Variants in DENND3 observed in about 807,000 individuals in gnomAD.
The protein encoded by DENND3 is DENN domain-containing protein 3.
In DENND3, 88 loss-of-function variants were observed where a neutral mutation model predicts 135.1. The ratio of observed to expected loss-of-function variants is 0.65; its 90% CI spans 0.55 to 0.78. The LOEUF (loss-of-function observed/expected upper bound fraction) is 0.78, where lower values mean the gene tolerates loss of function less well. Among genes scored for constraint, DENND3 ranks in the 30% least tolerant of loss-of-function variants. The pLI, the probability that DENND3 is intolerant of heterozygous loss-of-function variation, is 0.00. For missense variants in DENND3, 1,392 were observed against 1,688.4 expected (o/e 0.82, Z 3.08); for synonymous variants, 693 against 712.3 (o/e 0.97, Z 0.43).
Position 141,175,070 on chromosome 8 carries a change from G to C in DENND3, c.2276-130G>C. On this transcript the variant is annotated intron_variant, in intron 13 of 22. Transcript: ENST00000519811. The surrounding 1 kb of genome is among the most constrained non-coding windows in gnomAD (Gnocchi z 5.4). The stretch of plus-strand genomic sequence containing the variant: ...ACCTTCTAGGCAGTTTCCATCCAGC[G>C]CCCTGAGTGCTGGCGCCACCTGCTG... The C allele has an allele frequency of 9.3e-7, 1 of 1,071,332 alleles. No homozygotes were observed. Among genetic ancestry groups the C allele is most frequent in the Non-Finnish European group, 1.3e-6 (1 of 743,460 alleles). 66.4% of individuals were successfully genotyped at this position (1,071,332 alleles called of 1,614,324 possible).
Position 141,128,612 on chromosome 8 carries a change from CGGCCCCCAGGCGGCGCGGCT to C in DENND3, c.-93_-74del. 1.4e-6 allele frequency: 1 copy of C among 705,494 alleles called. No individual in the cohort carries two copies. Among genetic ancestry groups the C allele is most frequent in the Non-Finnish European group, 1.9e-6 (1 of 535,572 alleles). The allele number at this position is 705,494 out of a possible 1,614,324, so 43.7% of individuals were successfully genotyped here. ...CCGCAGACGGCGCTCGCAGCGCCCC[CGGCCCCCAGGCGGCGCGGCT>C]GGTCCCCAGGGGTCTGCGGGCGACT... is the stretch of plus-strand genomic sequence containing the variant. On this transcript the variant is annotated 5_prime_UTR_variant, in exon 1 of 23. Coordinates refer to ENST00000519811, the MANE Select transcript of DENND3 (RefSeq NM_001352890.3). The surrounding 1 kb of genome is among the most constrained non-coding windows in gnomAD (Gnocchi z 4.5).
intron 10 of DENND3, among the ~76,000 whole-genome samples, chr8:141,164,571 T>A (rs1174393874): frequency 6.6e-6 from 1 of 152,218 alleles, no homozygotes; most frequent in Non-Finnish European, 1.5e-5. Flanking sequence ...CTCTGCCCTG[T>A]GAGCTTGGAG....
rs975630881 is a variant in DENND3, at chr8:141,179,517, T to C, written c.2837-1230T>C. Among the ~76,000 whole-genome samples, 8 of 152,178 alleles carry C rather than the reference T, an allele frequency of 5.3e-5. No individual in the cohort carries two copies. The East Asian group carries it at 1.3e-3, about 26-fold the overall frequency. On this transcript the variant is annotated intron_variant, in intron 16 of 22. Transcript: ENST00000519811. Reference sequence around the variant, plus strand: ...TTACAAATCCGGAAACATTTTCCCATGTGTAAAGCTCAGGACACATGAGCC... The same window carrying C: ...TTACAAATCCGGAAACATTTTCCCACGTGTAAAGCTCAGGACACATGAGCC...
Position 141,141,948 on chromosome 8 carries a change from G to A in DENND3, c.623+624G>A, listed in dbSNP as rs1817510957. The A allele has an allele frequency of 5.0e-6, 1 of 199,480 alleles. No homozygotes were observed. Among genetic ancestry groups the A allele is most frequent in the South Asian group, 7.0e-5 (1 of 14,284 alleles). 12.4% of individuals were successfully genotyped at this position (199,480 alleles called of 1,614,324 possible). ...AGTCCCAGCTACTGGGAAGGCTAAC[G>A]CAGGAGGATGGCTTAAGCCTAGGAG... On this transcript the variant is annotated intron_variant, in intron 4 of 22. Transcript: ENST00000519811. The surrounding 1 kb of genome is among the most constrained non-coding windows in gnomAD (Gnocchi z 5.3).
At chr8:141,155,495 C>A (rs1819327839) in intron 7 of DENND3, among the ~76,000 whole-genome samples, 1 of 151,456 alleles carries the variant, frequency 6.6e-6, no homozygotes, top group Non-Finnish European at 1.5e-5. Flanking sequence ...CCTCAACCTC[C>A]TGGGCTCAAG....
At position 141,154,082 on chromosome 8, in the gene DENND3, G is replaced by A. The variant is rs1439116143; in HGVS notation, c.1075-1767G>A. On this transcript the variant is annotated intron_variant, in intron 7 of 22. Transcript: ENST00000519811. This position sits in a 1 kb window ranked among gnomAD's most constrained non-coding sequence, Gnocchi z 4.4. ...ATCCACGGGACCGGCTGTGTGCCTC[G>A]CTGCTTTAGCGTTTTGTGTATTTGC... Among the ~76,000 whole-genome samples, 2 of 152,190 alleles carry A rather than the reference G, an allele frequency of 1.3e-5. No individual in the cohort carries two copies. The highest frequency in any genetic ancestry group is 2.9e-5 in the Non-Finnish European group (2 of 68,032).
Position 141,192,527 on chromosome 8 carries a change from A to G in DENND3, c.3500A>G (p.Glu1167Gly). ...SFLAFQLLPE[E>G]EQLWAACAGR... ...CCCACACCGTGCCCTGCGTTTCAGG[A>G]GGAGCAGCTGTGGGCGGCCTGTGCA... The change falls in exon 22 of 23, where the codon GAG becomes GGG. Residue 1167 changes from glutamate (E) to glycine (G), a missense_variant and splice_region_variant. Glu to Gly is a moderately conservative substitution (Grantham distance 98). Transcript: ENST00000519811. 1.3e-6 allele frequency: 2 copies of G among 1,598,566 alleles called. No individual in the cohort carries two copies. The highest frequency in any genetic ancestry group is 8.5e-7 in the Non-Finnish European group (1 of 1,171,092).
At chr8:141,159,335 C>T (rs1440286188) in intron 8 of DENND3, among the ~76,000 whole-genome samples, 1 of 152,178 alleles carries the variant, frequency 6.6e-6, no homozygotes, top group Admixed American at 6.5e-5. Flanking sequence ...TGGCTCCTGC[C>T]GGCCATGCTG....
At position 141,151,735 on chromosome 8, in the gene DENND3, C is replaced by T. The variant is rs1434733506; in HGVS notation, c.972C>T (p.His324=). The T allele has an allele frequency of 1.2e-6, 2 of 1,614,060 alleles. No individual in the cohort carries two copies. The highest frequency in any genetic ancestry group is 1.7e-6 in the Non-Finnish European group (2 of 1,180,038). ...ACCTGTATCCGCTGCAGTGGCAGCACCCCTTCGTGCCCATCCTGTCGGACC... is the reference window on the plus strand; with the variant it reads ...ACCTGTATCCGCTGCAGTGGCAGCATCCCTTCGTGCCCATCCTGTCGGACC... ...MAYLYPLQWQ[H]PFVPILSDQM... is the part of the protein sequence containing the mutation. The change falls in exon 7 of 23, where the codon CAC becomes CAT. Residue 324 remains histidine (H), a synonymous_variant. Coordinates refer to ENST00000519811, the MANE Select transcript of DENND3 (RefSeq NM_001352890.3).
At chr8:141,152,602 C>T (rs1441182475) in intron 7 of DENND3, among the ~76,000 whole-genome samples, 1 of 152,098 alleles carries the variant, frequency 6.6e-6, no homozygotes, top group Non-Finnish European at 1.5e-5. Context: ...ATAAATAGAC[C>T]GAGTTTTGTC....
At chr8:141,152,426 G>A (rs771694595) in intron 7 of DENND3, among the ~76,000 whole-genome samples, 116 of 152,268 alleles carry the variant, frequency 7.6e-4, no homozygotes, top group Non-Finnish European at 1.3e-3. Context: ...ACACCCATGC[G>A]CTTTTTCTCT....
intron 10 of DENND3, 46 bp from the exon 11 acceptor site, chr8:141,165,140 T>C (rs371224230): frequency 2.7e-6 from 4 of 1,497,230 alleles, no homozygotes; most frequent in Middle Eastern, 1.8e-4. Flanking sequence ...AGCAGGGACC[T>C]GGGGAGTCGG....
At chr8:141,188,911 C>T in intron 18 of DENND3, 75 bp from the exon 19 acceptor site, 2 of 1,537,296 alleles carry the variant, frequency 1.3e-6, no homozygotes, top group Non-Finnish European at 1.8e-6. Context: ...TCAGCACGTG[C>T]AGTAAATGTA....
Position 141,175,440 on chromosome 8 carries a change from C to T in DENND3, c.2516C>T (p.Ser839Phe). The change falls in exon 14 of 23, where the codon TCC becomes TTC. Residue 839 changes from serine (S) to phenylalanine (F), a missense_variant. Coordinates refer to ENST00000519811, the MANE Select transcript of DENND3 (RefSeq NM_001352890.3). This position sits in a 1 kb window ranked among gnomAD's most constrained non-coding sequence, Gnocchi z 5.4. ...GGAAGGCCAGGCTACTTGGAGATTT[C>T]CACCTTCAGAAATATAGAGGTAAGG... The part of the protein sequence containing the change: ...TEGRPGYLEI[S>F]TFRNIEEVRR... 1 of 1,614,186 alleles carries T rather than the reference C, an allele frequency of 6.2e-7. No homozygotes were observed. Among genetic ancestry groups the T allele is most frequent in the Non-Finnish European group, 8.5e-7 (1 of 1,180,040 alleles).
Position 141,175,888 on chromosome 8 carries a change from A to G in DENND3, c.2535+429A>G. 4.5e-6 allele frequency: 1 copy of G among 222,562 alleles called. No homozygotes were observed. The allele number at this position is 222,562 out of a possible 1,614,324, so 13.8% of individuals were successfully genotyped here. A position where few individuals can be genotyped will look rare whatever the true frequency, so the allele number is the denominator to read the frequency against. ...CAGTCGGACCTGGTTCATATAAAAC[A>G]TAACAAGCTTATTTTATAACAATTA... On this transcript the variant is annotated intron_variant, in intron 14 of 22. Coordinates refer to ENST00000519811, the MANE Select transcript of DENND3 (RefSeq NM_001352890.3). This position sits in a 1 kb window ranked among gnomAD's most constrained non-coding sequence, Gnocchi z 5.4.
chr8:141,180,657 T>C (rs769708100), intron 16 of DENND3, 90 bp from the exon 17 acceptor site: 13 of 1,208,018 alleles, frequency 1.1e-5, no homozygotes, highest in African/African-American at 3.0e-5. Context: ...CAAGCTGATA[T>C]TCTGCAGAAA....
In DENND3 at chr8:141,185,262, T is replaced by G. The variant is rs1249748276; in HGVS notation, c.3068T>G (p.Val1023Gly). The G allele has an allele frequency of 1.2e-6, 2 of 1,614,108 alleles. No individual in the cohort carries two copies. Residue 1023 changes from valine (V) to glycine (G), a missense_variant, in exon 18 of 23, where the codon GTG (valine) becomes GGG (glycine). By Grantham distance (109) the Val-to-Gly change is moderately radical. Transcript: ENST00000519811. The part of the protein sequence containing the change: ...SWTIHQHSFK[V>G]GTAKVNCMVM... ...ACCATCCACCAGCACTCCTTTAAAGTGGGCACTGCAAAAGTGGTGAGTACA... is the reference window on the plus strand; with the variant it reads ...ACCATCCACCAGCACTCCTTTAAAGGGGGCACTGCAAAAGTGGTGAGTACA...
intron 1 of DENND3, among the ~76,000 whole-genome samples, chr8:141,132,895 G>C (rs1301581196): frequency 2.0e-5 from 3 of 152,210 alleles, no homozygotes; most frequent in African/African-American, 7.2e-5. Flanking sequence ...GAGATCACCA[G>C]GTGCCAGGAG....
At chr8:141,147,657 G>A (rs563532955) in intron 5 of DENND3, among the ~76,000 whole-genome samples, 9 of 152,322 alleles carry the variant, frequency 5.9e-5, no homozygotes, top group South Asian at 2.1e-4. Context: ...TTCTCATCCC[G>A]CAGGGCACGG....
Sources: allele counts gnomAD v4.1 joint callset (sites outside exome capture counted in the v4.1 genomes callset), GRCh38; gene constraint gnomAD v4.1.1; non-coding constraint Gnocchi (gnomAD v3.1); transcripts MANE v1.5; gene names NCBI Gene and HGNC (gene_info 2026-07-23, HGNC 2026-07-21).